CHODL: variants seen among roughly 807,000 people sequenced by gnomAD.
CHODL encodes the protein transmembrane protein MT75.
CHODL carries 29 observed loss-of-function variants against 34.5 expected under a neutral mutation model. The ratio of observed to expected loss-of-function variants is 0.84; its 90% CI spans 0.63 to 1.15. The LOEUF (loss-of-function observed/expected upper bound fraction) is 1.15. CHODL is among the 50% of genes most tolerant of loss of function. CHODL has a pLI of 0.00. For synonymous variants in CHODL, 125 were observed against 116.1 expected, an observed-to-expected ratio of 1.08 and a Z score of -0.49; for missense variants, 332 against 332.5, an observed-to-expected ratio of 1.00 and a Z score of 0.01.
intron 1 of CHODL, among the ~76,000 whole-genome samples, chr21:18,019,675 A>G (rs2064109636): frequency 6.6e-6 from 1 of 152,202 alleles, no homozygotes. Context: ...TGTTTTTTAA[A>G]AAATAATTTT....
At chr21:18,192,854 A>C (rs1000537815) in intron 2 of CHODL, among the ~76,000 whole-genome samples, 2 of 152,140 alleles carry the variant, frequency 1.3e-5, no homozygotes, top group African/African-American at 4.8e-5. Flanking sequence ...TGTCCTCATG[A>C]GCCTTTAAAA....
At chr21:18,068,337 C>T (rs2064756139) in intron 2 of CHODL, among the ~76,000 whole-genome samples, 12 of 151,680 alleles carry the variant, frequency 7.9e-5, no homozygotes, top group Admixed American at 7.9e-4. Flanking sequence ...GCTGGGTTTA[C>T]AGGCACCCGC....
intron 1 of CHODL, among the ~76,000 whole-genome samples, chr21:18,019,114 G>C (rs1431935551): frequency 2.6e-5 from 4 of 152,192 alleles, no homozygotes; most frequent in Admixed American, 1.3e-4. Flanking sequence ...GATATAATCT[G>C]TGCTCAAGTT....
chr21:18,231,980 C>T (rs2073983291), intron 2 of CHODL, among the ~76,000 whole-genome samples: 1 of 151,998 alleles, frequency 6.6e-6, no homozygotes, highest in Non-Finnish European at 1.5e-5. Flanking sequence ...CCCAGTTTCA[C>T]TGGAACACTC....
chr21:17,932,399 A>G (rs759631576), intron 1 of CHODL, among the ~76,000 whole-genome samples: 1 of 152,192 alleles, frequency 6.6e-6, no homozygotes, highest in Non-Finnish European at 1.5e-5. Flanking sequence ...CAGGATGGGT[A>G]TTTCTCAAAG....
At chr21:18,042,630 T>A (rs1475428841) in intron 2 of CHODL, among the ~76,000 whole-genome samples, 1 of 151,934 alleles carries the variant, frequency 6.6e-6, no homozygotes, top group African/African-American at 2.4e-5. Flanking sequence ...ATCCAGTGGT[T>A]TAGAAATAAG....
intron 1 of CHODL, among the ~76,000 whole-genome samples, chr21:17,930,377 CACCTGCATGTGCCACAATG>C (rs1015712926): frequency 1.5e-4 from 22 of 151,318 alleles, no homozygotes; most frequent in African/African-American, 4.6e-4. Flanking sequence ...GGGAGACCAG[CACCTGCATGTGCCACAATG>C]ACCAGATCCA....
chr21:17,984,415 G>GT (rs552858619), intron 1 of CHODL, among the ~76,000 whole-genome samples: 36 of 152,218 alleles, frequency 2.4e-4, no homozygotes, highest in African/African-American at 7.5e-4. Context: ...TCATATGGCA[G>GT]TTCTACTTCT....
rs1040111697 is a variant in CHODL, at chr21:18,080,811, C to T, written c.-45+52840C>T. On this transcript the variant is annotated intron_variant, in intron 2 of 6. Coordinates refer to the CHODL transcript ENST00000400127. ...TTCTTTTTGCTTAGGATTGCTTTGA[C>T]TATTTAAGCTCTTTTTTGGTTCCAT... Among the ~76,000 whole-genome samples the T allele has an allele frequency of 4.6e-5, 7 of 152,234 alleles. No individual in the cohort carries two copies. In the South Asian group the frequency reaches 1.5e-3, roughly 32 times the overall value.
At chr21:18,108,123 C>T (rs1219786715) in intron 2 of CHODL, among the ~76,000 whole-genome samples, 3 of 150,784 alleles carry the variant, frequency 2.0e-5, no homozygotes, top group Non-Finnish European at 4.4e-5. Context: ...ACTCACTTTA[C>T]AAGGCAGTTG....
intron 2 of CHODL, among the ~76,000 whole-genome samples, chr21:18,170,514 C>T (rs1442885090): frequency 5.3e-5 from 8 of 152,098 alleles, no homozygotes; most frequent in African/African-American, 1.9e-4. Context: ...TGGGGTTAAA[C>T]AGGTATTTTC....
At chr21:17,991,322 G>C (rs765137554) in intron 1 of CHODL, among the ~76,000 whole-genome samples, 1 of 152,054 alleles carries the variant, frequency 6.6e-6, no homozygotes, top group African/African-American at 2.4e-5. Context: ...TAAATACCCA[G>C]TAGTGTGATT....
intron 2 of CHODL, among the ~76,000 whole-genome samples, chr21:18,221,750 C>T (rs183874826): frequency 1.3e-5 from 2 of 152,180 alleles, no homozygotes; most frequent in Non-Finnish European, 2.9e-5. Flanking sequence ...GTCCTCAGGA[C>T]CCTAGATGGC....
intron 1 of CHODL, among the ~76,000 whole-genome samples, chr21:17,963,260 C>A (rs1388320363): frequency 6.6e-6 from 1 of 152,060 alleles, no homozygotes; most frequent in Non-Finnish European, 1.5e-5. Context: ...TTAGTTGAAA[C>A]CCTTCTGTTT....
chr21:17,945,673 A>G (rs930730752), intron 1 of CHODL, among the ~76,000 whole-genome samples: 1 of 152,232 alleles, frequency 6.6e-6, no homozygotes, highest in African/African-American at 2.4e-5. Flanking sequence ...AGAAAGGGCC[A>G]GAAAGCATAT....
At chr21:18,078,777 G>C (rs1684368305) in intron 2 of CHODL, among the ~76,000 whole-genome samples, 1 of 152,114 alleles carries the variant, frequency 6.6e-6, no homozygotes, top group African/African-American at 2.4e-5. Flanking sequence ...ATATTAGGGA[G>C]TTTATGGATG....
chr21:18,052,691 G>A (rs186677550), intron 2 of CHODL, among the ~76,000 whole-genome samples: 3 of 151,950 alleles, frequency 2.0e-5, no homozygotes, highest in South Asian at 2.1e-4. Flanking sequence ...GTACTGACAC[G>A]TCTTTCCTGT....
intron 2 of CHODL, among the ~76,000 whole-genome samples, chr21:18,036,604 T>C (rs1450893080): frequency 1.3e-5 from 2 of 152,036 alleles, no homozygotes; most frequent in Non-Finnish European, 2.9e-5. Flanking sequence ...TATTTTCTCT[T>C]TATCAGAAAT....
chr21:17,921,232 C>G (rs553034200), intron 1 of CHODL, among the ~76,000 whole-genome samples: 1 of 152,220 alleles, frequency 6.6e-6, no homozygotes, highest in Admixed American at 6.5e-5. Context: ...GAAGAATTCC[C>G]TCTTGCTTGA....
Sources: gnomAD v4.1 joint callset for allele counts (sites outside exome capture counted in the v4.1 genomes callset) on GRCh38, gnomAD v4.1.1 for gene constraint, MANE v1.5 for transcripts, NCBI Gene and HGNC (gene_info 2026-07-23, HGNC 2026-07-21) for gene names.